Variants in ATP8A2 observed in about 807,000 individuals in gnomAD.
The protein encoded by ATP8A2 is phospholipid-transporting ATPase IB.
A neutral mutation model predicts 165.6 loss-of-function variants in ATP8A2; 100 were observed. The ratio of observed to expected loss-of-function variants is 0.60; its 90% CI spans 0.51 to 0.71. The LOEUF (loss-of-function observed/expected upper bound fraction) is 0.71, where lower values mean the gene tolerates loss of function less well. Among genes scored for constraint, ATP8A2 ranks in the 30% least tolerant of loss-of-function variants. ATP8A2 has a pLI of 0.00. For synonymous variants in ATP8A2, 543 were observed against 548.8 expected, an observed-to-expected ratio of 0.99 and a Z score of 0.15; for missense variants, 1,227 against 1,479.5, an observed-to-expected ratio of 0.83 and a Z score of 2.80.
chr13:25,972,937 A>G lies in ATP8A2; in HGVS notation c.3377+4258A>G, dbSNP rs536854328. Among the ~76,000 whole-genome samples the G allele has an allele frequency of 1.1e-4, 16 of 152,284 alleles. No homozygotes were observed. In the South Asian group the frequency reaches 2.9e-3, roughly 28 times the overall value. Reference sequence around the variant, plus strand: ...GGTACAATGGCAAGCAAGAAAAAAAAGGGGGAATATATTTGTTGAAAACAT... The same window carrying G: ...GGTACAATGGCAAGCAAGAAAAAAAGGGGGGAATATATTTGTTGAAAACAT... On this transcript the variant is annotated intron_variant, in intron 35 of 36. Coordinates refer to ENST00000381655, the MANE Select transcript of ATP8A2 (RefSeq NM_016529.6).
At chr13:25,472,489 T>C (rs1190983506) in intron 2 of ATP8A2, among the ~76,000 whole-genome samples, 2 of 152,184 alleles carry the variant, frequency 1.3e-5, no homozygotes, top group African/African-American at 4.8e-5. Flanking sequence ...CACTTTAATG[T>C]TACTGAACTC....
intron 24 of ATP8A2, among the ~76,000 whole-genome samples, chr13:25,655,752 C>G (rs1363799839): frequency 2.0e-5 from 3 of 151,684 alleles, no homozygotes; most frequent in African/African-American, 7.3e-5. Flanking sequence ...AGCAAAAAAC[C>G]CGAAAGTACA....
chr13:25,579,608 G>A (rs939829605), intron 21 of ATP8A2, among the ~76,000 whole-genome samples, 200 bp from the exon 22 acceptor site: 3 of 152,110 alleles, frequency 2.0e-5, no homozygotes, highest in African/African-American at 4.8e-5. Flanking sequence ...TCAGCCTTAC[G>A]GAAGAGGTAG....
rs961846608 is a variant in ATP8A2, at chr13:25,556,158, G to A, written c.1263+1090G>A. Among the ~76,000 whole-genome samples, 36 of 152,226 alleles carry A rather than the reference G, an allele frequency of 2.4e-4. 2 individuals are homozygous for A. The highest frequency in any genetic ancestry group is 5.9e-5 in the Non-Finnish European group (4 of 68,030). ...AATGGGATTGCTAGGTCAAATGGTAGTTCTGTATTAAGTTCTTTGAGAAAT... is the reference window on the plus strand; with the variant it reads ...AATGGGATTGCTAGGTCAAATGGTAATTCTGTATTAAGTTCTTTGAGAAAT... On this transcript the variant is annotated intron_variant, in intron 13 of 36. Coordinates refer to ENST00000381655, the MANE Select transcript of ATP8A2 (RefSeq NM_016529.6).
chr13:25,441,170 G>T (rs889634397), intron 1 of ATP8A2, among the ~76,000 whole-genome samples: 3 of 152,090 alleles, frequency 2.0e-5, no homozygotes, highest in Admixed American at 1.3e-4. Flanking sequence ...ATTTTTGTTA[G>T]GTTTTTAATT....
intron 33 of ATP8A2, among the ~76,000 whole-genome samples, chr13:25,918,292 TA>T (rs1283396027): frequency 2.6e-5 from 4 of 152,154 alleles, no homozygotes; most frequent in African/African-American, 9.7e-5. Context: ...CATCAGTTAT[TA>T]AAATAGGAAG....
intron 1 of ATP8A2, among the ~76,000 whole-genome samples, chr13:25,459,349 T>C (rs2035446773): frequency 6.6e-6 from 1 of 152,232 alleles, no homozygotes; most frequent in Non-Finnish European, 1.5e-5. Flanking sequence ...ATTTAAAGAA[T>C]TGCATTTTTC....
chr13:25,486,661 AACAATTG>A lies in ATP8A2; in HGVS notation c.221+17541_221+17547del, dbSNP rs78389954. On this transcript the variant is annotated intron_variant, in intron 2 of 36. Transcript: ENST00000381655. ...AACATGGCTCCACATATACCCGTGG[AACAATTG>A]TTACAACAAATAGAGGCTGGGCATG... 5.0e-3 allele frequency among the ~76,000 whole-genome samples: 765 copies of A among 152,352 alleles called. 8 individuals carry two copies. The highest frequency in any genetic ancestry group is 0.01 in the Middle Eastern group (3 of 294).
chr13:25,408,719 G>A (rs1436087046), intron 1 of ATP8A2, among the ~76,000 whole-genome samples: 1 of 152,124 alleles, frequency 6.6e-6, no homozygotes, highest in East Asian at 1.9e-4. Flanking sequence ...TTAAAAGACT[G>A]TTTATAGTTA....
chr13:25,547,491 C>G (rs2038688601), intron 10 of ATP8A2, among the ~76,000 whole-genome samples: 1 of 152,182 alleles, frequency 6.6e-6, no homozygotes, highest in South Asian at 2.1e-4. Flanking sequence ...AGTGATCTGT[C>G]ACTGTCTCCC....
intron 27 of ATP8A2, among the ~76,000 whole-genome samples, chr13:25,796,256 A>G (rs1194510074): frequency 6.6e-6 from 1 of 152,092 alleles, no homozygotes; most frequent in Non-Finnish European, 1.5e-5. Flanking sequence ...GCCCATAACT[A>G]GTTTTAAAAC....
chr13:25,924,796 A>G (rs1406871160), intron 33 of ATP8A2, among the ~76,000 whole-genome samples: 1 of 152,158 alleles, frequency 6.6e-6, no homozygotes, highest in Non-Finnish European at 1.5e-5. Context: ...TCATGGGGGT[A>G]GGTTTTTCCC....
Position 25,860,217 on chromosome 13 carries a change from T to A in ATP8A2, c.2979T>A (p.His993Gln). Residue 993 changes from histidine to glutamine, a missense_variant, in exon 31 of 37, where the codon CAT becomes CAA. This residue lies in a region of ATP8A2 where 260 missense variants were observed against 245.1 expected (regional missense o/e 1.06). Transcript: ENST00000381655. ...CAGATACTGTGTTGACAAGTGGTCA[T>A]GCTACCGACTATTTATTTGTTGGAA... ...LEHDTVLTSG[H>Q]ATDYLFVGNI... 6.2e-7 allele frequency: 1 copy of A among 1,612,650 alleles called. No homozygotes were observed.
intron 25 of ATP8A2, among the ~76,000 whole-genome samples, chr13:25,765,992 G>A (rs865915759): frequency 1.3e-5 from 2 of 152,284 alleles, no homozygotes; most frequent in East Asian, 1.9e-4. Context: ...CTGATGGAGA[G>A]GCCAGCTTTC....
Position 25,664,409 on chromosome 13 carries a change from G to A in ATP8A2, c.2212-34764G>A, listed in dbSNP as rs1163219800. 2.6e-5 allele frequency among the ~76,000 whole-genome samples: 4 copies of A among 152,182 alleles called. No individual in the cohort carries two copies. In the East Asian group the frequency reaches 5.8e-4, roughly 22 times the overall value. Reference sequence around the variant, plus strand: ...ACCCACGCCTCTTCTGGAGTGGGCAGTTGGTCACATGATCTTGCCCCTCTT... The same window carrying A: ...ACCCACGCCTCTTCTGGAGTGGGCAATTGGTCACATGATCTTGCCCCTCTT... On this transcript the variant is annotated intron_variant, in intron 24 of 36. Coordinates refer to ENST00000381655, the MANE Select transcript of ATP8A2 (RefSeq NM_016529.6).
intron 25 of ATP8A2, among the ~76,000 whole-genome samples, chr13:25,749,507 G>C (rs954560500): frequency 1.3e-5 from 2 of 152,092 alleles, no homozygotes; most frequent in Non-Finnish European, 2.9e-5. Flanking sequence ...GGTGAGGAGG[G>C]GGTGTAGGCA....
chr13:25,434,667 CA>C (rs1282111879), intron 1 of ATP8A2, among the ~76,000 whole-genome samples: 1 of 152,160 alleles, frequency 6.6e-6, no homozygotes, highest in African/African-American at 2.4e-5. Flanking sequence ...TTTTCAAGCA[CA>C]GTAGCTGCCC....
intron 25 of ATP8A2, among the ~76,000 whole-genome samples, chr13:25,703,158 C>A (rs145954060): frequency 8.5e-5 from 13 of 152,298 alleles, no homozygotes; most frequent in African/African-American, 3.1e-4. Flanking sequence ...CAGCCCACTG[C>A]AACCTCTACC....
intron 33 of ATP8A2, among the ~76,000 whole-genome samples, chr13:25,907,484 G>T (rs1337589739): frequency 6.6e-6 from 1 of 152,170 alleles, no homozygotes; most frequent in Non-Finnish European, 1.5e-5. Context: ...GATGACAGTG[G>T]TCTTAGACCT....
Sources: allele counts gnomAD v4.1 joint callset (sites outside exome capture counted in the v4.1 genomes callset), GRCh38; gene constraint gnomAD v4.1.1; regional missense constraint gnomAD v4.1.1; transcripts MANE v1.5; gene names NCBI Gene and HGNC (gene_info 2026-07-23, HGNC 2026-07-21).